The following PCDHA1 variants were observed in gnomAD, a reference collection of about 807,000 sequenced individuals.
PCDHA1 encodes protocadherin alpha 1.
PCDHA1 carries 42 observed loss-of-function variants against 61.3 expected under a neutral mutation model. That is an observed-to-expected ratio of 0.69 (90% CI 0.54 to 0.89). The LOEUF (loss-of-function observed/expected upper bound fraction) is 0.89, where lower values mean the gene tolerates loss of function less well. Among genes scored for constraint, PCDHA1 ranks in the 40% least tolerant of loss-of-function variants. PCDHA1 has a pLI of 0.00. For synonymous variants in PCDHA1, 610 were observed against 553.8 expected (o/e 1.10, Z -1.43); for missense variants, 1,256 against 1,235.3 (o/e 1.02, Z -0.25).
At chr5:140,869,217 G>T in intron 1 of PCDHA1, 4 of 1,613,842 alleles carry the variant, frequency 2.5e-6, no homozygotes, top group South Asian at 2.2e-5. Flanking sequence ...TCTCGGAGGA[G>T]GCCAAACACG....
In PCDHA1 at chr5:140,983,247, G is replaced by A. The variant is rs112993813; in HGVS notation, c.2542+684G>A. ...ACTTTCAGGAAAGAGAACCTGCTAA[G>A]TTGTGTAAAAAACCTAATGGCTGGG... On this transcript the variant is annotated intron_variant, in intron 3 of 3. Coordinates refer to ENST00000504120, the MANE Select transcript of PCDHA1 (RefSeq NM_018900.4). Among the ~76,000 whole-genome samples the A allele has an allele frequency of 9.0e-3, 1,377 of 152,306 alleles. 16 individuals are homozygous for A. The highest frequency in any genetic ancestry group is 0.043 in the East Asian group (224 of 5,190).
At chr5:140,997,141 C>T (rs941650589) in intron 3 of PCDHA1, among the ~76,000 whole-genome samples, 6 of 152,088 alleles carry the variant, frequency 3.9e-5, no homozygotes, top group Admixed American at 2.6e-4. Flanking sequence ...CCCACACCCC[C>T]GCCACAGTGA....
intron 1 of PCDHA1, chr5:140,968,960 T>C (rs1563384845): frequency 6.2e-7 from 1 of 1,614,212 alleles, no homozygotes; most frequent in South Asian, 1.1e-5. Context: ...CATCAAGTGC[T>C]ACCGCTACAC....
intron 1 of PCDHA1, among the ~76,000 whole-genome samples, chr5:140,938,344 G>A (rs569264531): frequency 6.6e-6 from 1 of 152,264 alleles, no homozygotes; most frequent in Non-Finnish European, 1.5e-5. Context: ...GGATAATCTT[G>A]TCTTATTCCT....
At chr5:140,835,618 C>T (rs1562347401) in intron 1 of PCDHA1, 1 of 1,613,946 alleles carries the variant, frequency 6.2e-7, no homozygotes, top group South Asian at 1.1e-5. Context: ...CTGGACAGCG[C>T]TCTGGACCGC....
At chr5:140,870,631 C>G (rs1554164498) in intron 1 of PCDHA1, 5 of 1,612,864 alleles carry the variant, frequency 3.1e-6, no homozygotes, top group Middle Eastern at 1.7e-4. Flanking sequence ...CGTGTCGGTG[C>G]ACGCGGAGAG....
chr5:140,842,934 G>A (rs2150348030), intron 1 of PCDHA1: 3 of 1,594,530 alleles, frequency 1.9e-6, no homozygotes, highest in Non-Finnish European at 2.6e-6. Context: ...GTGAGCGCGC[G>A]CGACGCGGGC....
In PCDHA1 at chr5:140,858,669, A is replaced by G; in HGVS notation, c.2394+69985A>G. The G allele has an allele frequency of 4.4e-6, 3 of 676,742 alleles. 1 individual carries two copies. Among genetic ancestry groups the G allele is most frequent in the Non-Finnish European group, 7.2e-6 (3 of 415,418 alleles). 41.9% of individuals were successfully genotyped at this position (676,742 alleles called of 1,614,324 possible). On this transcript the variant is annotated intron_variant, in intron 1 of 3. Coordinates refer to ENST00000504120, the MANE Select transcript of PCDHA1 (RefSeq NM_018900.4). ...CTTAAATTTTTTTAAATAACAATTT[A>G]TTCTGAATACACTAATATTTTCCAA...
intron 1 of PCDHA1, among the ~76,000 whole-genome samples, chr5:140,820,650 G>T (rs1766799616): frequency 6.6e-6 from 1 of 151,944 alleles, no homozygotes; most frequent in Non-Finnish European, 1.5e-5. Context: ...AGATTAAAAA[G>T]TAATTAAACT....
chr5:140,848,732 G>T lies in PCDHA1; in HGVS notation c.2394+60048G>T, dbSNP rs1554142393. 5.7e-6 allele frequency: 9 copies of T among 1,592,756 alleles called. 1 individual carries two copies. The highest frequency in any genetic ancestry group is 7.7e-6 in the Non-Finnish European group (9 of 1,163,596). ...GCGGGGACCTTCTGGAGGTAAATCT[G>T]CAGAATGGCATTTTGTTTGTGAATT... On this transcript the variant is annotated intron_variant, in intron 1 of 3. Transcript: ENST00000504120.
intron 1 of PCDHA1, among the ~76,000 whole-genome samples, chr5:140,893,943 G>C (rs550475): frequency 0.54 from 81,510 of 151,914 alleles, 22,066 homozygotes; most frequent in African/African-American, 0.61. Flanking sequence ...TGTTAATTCT[G>C]CATGACTTTA....
At chr5:140,875,891 TA>T (rs2055921027) in intron 1 of PCDHA1, 3 of 1,614,128 alleles carry the variant, frequency 1.9e-6, no homozygotes, top group Middle Eastern at 3.3e-4. Flanking sequence ...GAACAAAAGG[TA>T]CCTGTTTCTG....
Position 141,009,940 on chromosome 5 carries a change from T to G in PCDHA1, c.*3T>G, listed in dbSNP as rs782531781. ...CGACTGACAACAGTGACCAGTGAGG[T>G]CCTCAAATGGAAACAAGCCACTTAG... On this transcript the variant is annotated 3_prime_UTR_variant, in exon 4 of 4. Transcript: ENST00000504120. 7 of 1,598,042 alleles carry G rather than the reference T, an allele frequency of 4.4e-6. No homozygotes were observed. The highest frequency in any genetic ancestry group is 4.3e-6 in the Non-Finnish European group (5 of 1,174,556).
chr5:140,889,032 AT>A (rs1357652460), intron 1 of PCDHA1, among the ~76,000 whole-genome samples: 12 of 152,198 alleles, frequency 7.9e-5, no homozygotes, highest in South Asian at 6.2e-4. Context: ...GATAACCGTA[AT>A]TTGATTATAA....
At position 140,858,127 on chromosome 5, in the gene PCDHA1, T is replaced by C. The variant is rs782220285; in HGVS notation, c.2394+69443T>C. 41 of 1,597,502 alleles carry C rather than the reference T, an allele frequency of 2.6e-5. 1 individual carries two copies. The highest frequency in any genetic ancestry group is 1.7e-4 in the Admixed American group (10 of 59,294). ...TGGCGCCCGAGGTGGCCCTGGTGGATGTCAACGTGTACCTGATCATCGCCA... is the reference window on the plus strand; with the variant it reads ...TGGCGCCCGAGGTGGCCCTGGTGGACGTCAACGTGTACCTGATCATCGCCA... On this transcript the variant is annotated intron_variant, in intron 1 of 3. Coordinates refer to ENST00000504120, the MANE Select transcript of PCDHA1 (RefSeq NM_018900.4).
intron 1 of PCDHA1, among the ~76,000 whole-genome samples, chr5:140,974,875 A>G (rs934874769): frequency 1.6e-4 from 24 of 152,174 alleles, no homozygotes; most frequent in Non-Finnish European, 1.9e-4. Context: ...GGAACAGTCT[A>G]TGTATCCCTT....
chr5:140,805,687 A>G (rs1030164), intron 1 of PCDHA1: 393,383 of 736,282 alleles, frequency 0.53, 105,640 homozygotes, highest in African/African-American at 0.7. Context: ...TTCAAAGATC[A>G]TGATTACCAA....
At chr5:140,968,321 A>ACCTCCTATGT in intron 1 of PCDHA1, 1 of 1,613,834 alleles carries the variant, frequency 6.2e-7, no homozygotes, top group Non-Finnish European at 8.5e-7. Flanking sequence ...GCTGCCAGTC[A>ACCTCCTATGT]CCTCCTATGT....
chr5:140,848,763 A>G, intron 1 of PCDHA1: 3 of 1,593,392 alleles, frequency 1.9e-6, no homozygotes, highest in Non-Finnish European at 2.6e-6. Context: ...GAATTCTCGG[A>G]TCGACCGCGA....
Sources: gnomAD v4.1 joint callset for allele counts (sites outside exome capture counted in the v4.1 genomes callset) on GRCh38, gnomAD v4.1.1 for gene constraint, MANE v1.5 for transcripts, NCBI Gene and HGNC (gene_info 2026-07-23, HGNC 2026-07-21) for gene names.